The following CTNNA1 variants were observed in gnomAD, a reference collection of about 807,000 sequenced individuals.
CTNNA1 encodes catenin alpha 1.
CTNNA1 carries 37 observed loss-of-function variants against 98.4 expected under a neutral mutation model. The observed-to-expected ratio is 0.38, with a 90% confidence interval of 0.29 to 0.49. CTNNA1 has a LOEUF of 0.49. CTNNA1 is among the 20% of genes least tolerant of loss of function. CTNNA1 has a pLI of 0.95. For missense variants in CTNNA1, 761 were observed against 1,147.2 expected (o/e 0.66, Z 4.86); for synonymous variants, 404 against 413.2 (o/e 0.98, Z 0.27).
intron 9 of CTNNA1, among the ~76,000 whole-genome samples, chr5:138,894,281 C>CTTTTTTTTTTTTTTT (rs539073038): frequency 8.1e-6 from 1 of 123,948 alleles, no homozygotes; most frequent in Non-Finnish European, 1.6e-5. Flanking sequence ...TTTTCTTTCT[C>CTTTTTTTTTTTTTTT]TTTTTTTTTT....
At chr5:138,798,653 T>C (rs1372050283) in intron 3 of CTNNA1, among the ~76,000 whole-genome samples, 4 of 152,216 alleles carry the variant, frequency 2.6e-5, no homozygotes, top group Non-Finnish European at 2.9e-5. Flanking sequence ...TTTTTGTTTG[T>C]TTGTTTACTT....
chr5:138,794,280 G>C (rs1403041290), intron 3 of CTNNA1, among the ~76,000 whole-genome samples: 5 of 152,086 alleles, frequency 3.3e-5, no homozygotes, highest in Admixed American at 3.3e-4. Context: ...GCCTCCCAAA[G>C]TGCTGGGATT....
chr5:138,804,063 T>C (rs1437294310), intron 3 of CTNNA1, among the ~76,000 whole-genome samples: 1 of 152,248 alleles, frequency 6.6e-6, no homozygotes, highest in Non-Finnish European at 1.5e-5. Flanking sequence ...TAATCATTTC[T>C]ACCAACCCTA....
chr5:138,776,539 C>T (rs1014600889), intron 1 of CTNNA1, among the ~76,000 whole-genome samples: 10 of 152,324 alleles, frequency 6.6e-5, no homozygotes, highest in Middle Eastern at 3.4e-3. Flanking sequence ...CATCATGGCC[C>T]GTTCTCAATG....
intron 10 of CTNNA1, among the ~76,000 whole-genome samples, chr5:138,916,366 A>C (rs1345842322): frequency 6.6e-6 from 1 of 151,882 alleles, no homozygotes; most frequent in Non-Finnish European, 1.5e-5. Context: ...TAGATAGGTG[A>C]ATTTTATCTC....
chr5:138,818,017 C>T lies in CTNNA1; in HGVS notation c.588+5715C>T, dbSNP rs148655565. ...TTCTTGAGCCTTAGCCCCGTCCCTG[C>T]GCCCCCGCCCCCACAACCAAGTAGC... is the stretch of plus-strand genomic sequence containing the variant. On this transcript the variant is annotated intron_variant, in intron 5 of 17. Coordinates refer to ENST00000302763, the MANE Select transcript of CTNNA1 (RefSeq NM_001903.5). 2.2e-3 allele frequency among the ~76,000 whole-genome samples: 339 copies of T among 152,130 alleles called. 2 individuals carry two copies. The highest frequency in any genetic ancestry group is 7.5e-3 in the African/African-American group (313 of 41,514).
intron 7 of CTNNA1, among the ~76,000 whole-genome samples, chr5:138,844,656 T>G (rs1762551054): frequency 6.6e-6 from 1 of 152,202 alleles, no homozygotes; most frequent in Non-Finnish European, 1.5e-5. Context: ...GTGTTCTTTT[T>G]TAGGGGACGA....
intron 7 of CTNNA1, among the ~76,000 whole-genome samples, chr5:138,878,791 A>G (rs976190613): frequency 6.6e-6 from 1 of 152,198 alleles, no homozygotes; most frequent in African/African-American, 2.4e-5. Context: ...TAAAAAGGCA[A>G]ATGTTTCTTT....
intron 7 of CTNNA1, among the ~76,000 whole-genome samples, chr5:138,840,725 T>C (rs887500741): frequency 1.3e-5 from 2 of 151,240 alleles, no homozygotes; most frequent in African/African-American, 2.5e-5. Flanking sequence ...TTTTTATCCA[T>C]TCATTTTACA....
At chr5:138,836,932 A>G (rs562517623) in intron 7 of CTNNA1, among the ~76,000 whole-genome samples, 2 of 152,166 alleles carry the variant, frequency 1.3e-5, no homozygotes, top group Non-Finnish European at 2.9e-5. Context: ...TATGTTGTTA[A>G]TGTCACAAAG....
At chr5:138,843,448 A>G (rs1762436141) in intron 7 of CTNNA1, among the ~76,000 whole-genome samples, 2 of 152,084 alleles carry the variant, frequency 1.3e-5, no homozygotes. Context: ...ATGCTTTGCA[A>G]CCCCTGGAAG....
intron 7 of CTNNA1, among the ~76,000 whole-genome samples, chr5:138,837,127 GT>G (rs1468787062): frequency 2.6e-5 from 4 of 152,132 alleles, no homozygotes; most frequent in Non-Finnish European, 5.9e-5. Flanking sequence ...AAAGTGGTTA[GT>G]TTGGTTTTAT....
At chr5:138,824,187 T>A (rs1396737514) in intron 5 of CTNNA1, among the ~76,000 whole-genome samples, 2 of 152,116 alleles carry the variant, frequency 1.3e-5, no homozygotes, top group Non-Finnish European at 2.9e-5. Flanking sequence ...ATTATCCGAT[T>A]TAATCCTCAA....
chr5:138,915,035 T>TA (rs1170229755), intron 10 of CTNNA1, among the ~76,000 whole-genome samples: 1 of 152,014 alleles, frequency 6.6e-6, no homozygotes, highest in Non-Finnish European at 1.5e-5. Flanking sequence ...TAGTCCCAGT[T>TA]ATTCGGGAGG....
At chr5:138,894,842 C>T (rs1013610006) in intron 9 of CTNNA1, among the ~76,000 whole-genome samples, 1 of 152,104 alleles carries the variant, frequency 6.6e-6, no homozygotes, top group African/African-American at 2.4e-5. Context: ...ATGACTTCTG[C>T]CATAGTTGAC....
chr5:138,764,099 T>TG (rs1752646634), intron 1 of CTNNA1, among the ~76,000 whole-genome samples: 1 of 152,158 alleles, frequency 6.6e-6, no homozygotes, highest in Non-Finnish European at 1.5e-5. Context: ...GCAGGAGAAT[T>TG]GCTTGAACCC....
At chr5:138,835,432 G>A (rs1761687181) in intron 7 of CTNNA1, among the ~76,000 whole-genome samples, 1 of 152,158 alleles carries the variant, frequency 6.6e-6, no homozygotes, top group Non-Finnish European at 1.5e-5. Context: ...TGCAAGAGAT[G>A]CTTACCTAAA....
At chr5:138,860,319 C>T in intron 7 of CTNNA1, among the ~76,000 whole-genome samples, 1 of 152,146 alleles carries the variant, frequency 6.6e-6, no homozygotes, top group Admixed American at 6.5e-5. Flanking sequence ...ATTCAACACA[C>T]ATCTAATTCA....
Position 138,934,110 on chromosome 5 carries a change from C to T in CTNNA1, c.*21C>T, listed in dbSNP as rs1368221393. The T allele has an allele frequency of 1.9e-6, 3 of 1,595,794 alleles. No individual in the cohort carries two copies. The highest frequency in any genetic ancestry group is 1.3e-5 in the African/African-American group (1 of 74,492). On this transcript the variant is annotated 3_prime_UTR_variant, in exon 18 of 18. Transcript: ENST00000302763. ...TCTAAGTCTGCCCAGGCCGGCCGCC[C>T]CCACCCCTCGGGGCTCCTGAATATC... is the stretch of plus-strand genomic sequence containing the variant.
Sources: gnomAD v4.1 joint callset for allele counts (sites outside exome capture counted in the v4.1 genomes callset) on GRCh38, gnomAD v4.1.1 for gene constraint, MANE v1.5 for transcripts, NCBI Gene and HGNC (gene_info 2026-07-23, HGNC 2026-07-21) for gene names.